KIAA0825: variants seen among roughly 807,000 people sequenced by gnomAD.
The protein encoded by KIAA0825 is KIAA0825.
Under a neutral mutation model 147.6 loss-of-function variants are expected in KIAA0825, and 119 were observed. The ratio of observed to expected loss-of-function variants is 0.81; its 90% CI spans 0.69 to 0.94. The LOEUF (loss-of-function observed/expected upper bound fraction) is 0.94. KIAA0825 is among the 40% of genes least tolerant of loss of function. The pLI is 0.00. For missense variants in KIAA0825, 1,381 were observed against 1,472.7 expected (o/e 0.94, Z 1.02); for synonymous variants, 470 against 518.1 (o/e 0.91, Z 1.26).
chr5:94,182,552 G>A (rs1769757805), intron 20 of KIAA0825, among the ~76,000 whole-genome samples: 1 of 151,656 alleles, frequency 6.6e-6, no homozygotes, highest in Non-Finnish European at 1.5e-5. Context: ...AAGCCACCAT[G>A]CCCAGCCGTA....
At chr5:94,511,110 A>G (rs1766415004) in intron 5 of KIAA0825, among the ~76,000 whole-genome samples, 1 of 152,106 alleles carries the variant, frequency 6.6e-6, no homozygotes, top group African/African-American at 2.4e-5. Context: ...CTTCTACCAC[A>G]TGAGGACACA....
intron 20 of KIAA0825, among the ~76,000 whole-genome samples, chr5:94,267,098 TAC>T (rs1484351452): frequency 6.6e-6 from 1 of 152,222 alleles, no homozygotes; most frequent in Non-Finnish European, 1.5e-5. Flanking sequence ...GCTTGACTAT[TAC>T]CATACTTGTC....
intron 1 of KIAA0825, chr5:94,594,785 A>G (rs930418287): frequency 3.6e-6 from 2 of 548,478 alleles, no homozygotes; most frequent in Non-Finnish European, 7.0e-6. Context: ...GAGAAGTCGA[A>G]TCATGATTGT....
intron 20 of KIAA0825, among the ~76,000 whole-genome samples, chr5:94,203,812 T>A (rs1346875039): frequency 6.6e-6 from 1 of 152,120 alleles, no homozygotes; most frequent in African/African-American, 2.4e-5. Flanking sequence ...CCTTCCATCA[T>A]CCTCTCTTTT....
intron 20 of KIAA0825, among the ~76,000 whole-genome samples, chr5:94,352,682 A>G (rs1783812246): frequency 6.6e-6 from 1 of 152,220 alleles, no homozygotes; most frequent in Admixed American, 6.5e-5. Flanking sequence ...ATGCCCATCA[A>G]TCAATGAGTG....
intron 16 of KIAA0825, among the ~76,000 whole-genome samples, chr5:94,402,054 T>C (rs1166780270): frequency 1.3e-5 from 2 of 152,208 alleles, no homozygotes; most frequent in African/African-American, 2.4e-5. Context: ...AAAGTCACTT[T>C]CTTCCATCAC....
intron 14 of KIAA0825, among the ~76,000 whole-genome samples, chr5:94,419,993 A>T (rs1187028258): frequency 5.9e-5 from 9 of 152,164 alleles, no homozygotes; most frequent in Admixed American, 5.9e-4. Context: ...CAGGGAACAC[A>T]GACAAGTTAC....
At chr5:94,411,143 T>G (rs1249614471) in intron 15 of KIAA0825, among the ~76,000 whole-genome samples, 2 of 152,114 alleles carry the variant, frequency 1.3e-5, no homozygotes, top group African/African-American at 4.8e-5. Context: ...TATAATGTTA[T>G]TAAAAAGTAA....
At chr5:94,616,786 T>C (rs1410478289) in intron 1 of KIAA0825, among the ~76,000 whole-genome samples, 1 of 152,256 alleles carries the variant, frequency 6.6e-6, no homozygotes. Context: ...AATTACCTTA[T>C]GGTGATGAAC....
rs550888208 is a variant in KIAA0825 at position 94,249,834 on chromosome 5, AT to A, written c.3711-95711del. ...TTTTTGCTAATTTATTTATAGACTT[AT>A]ATAAGTTATCTATTTCCCCTCCATT... On this transcript the variant is annotated intron_variant, in intron 20 of 20. Coordinates refer to ENST00000682413, the MANE Select transcript of KIAA0825 (RefSeq NM_001145678.3). 3.3e-3 allele frequency among the ~76,000 whole-genome samples: 440 copies of A among 131,446 alleles called. 1 individual carries two copies. The highest frequency in any genetic ancestry group is 0.012 in the African/African-American group (411 of 35,512). 86.2% of individuals were successfully genotyped at this position (131,446 alleles called of 152,430 possible).
intron 20 of KIAA0825, among the ~76,000 whole-genome samples, chr5:94,197,090 G>C (rs1257752930): frequency 6.6e-6 from 1 of 152,198 alleles, no homozygotes; most frequent in Non-Finnish European, 1.5e-5. Context: ...CACCAGCAGT[G>C]TATGAGCATT....
intron 6 of KIAA0825, among the ~76,000 whole-genome samples, chr5:94,477,611 T>C (rs1160310200): frequency 6.6e-6 from 1 of 152,130 alleles, no homozygotes; most frequent in African/African-American, 2.4e-5. Flanking sequence ...AAGTACTATA[T>C]TTTAAAAATG....
Position 94,224,082 on chromosome 5 carries a change from C to CTTTTTTTTTTTTTTTTTTTTTTTTTT in KIAA0825, c.3711-69984_3711-69959dup, listed in dbSNP as rs869059424. 7.3e-4 allele frequency among the ~76,000 whole-genome samples: 41 copies of CTTTTTTTTTTTTTTTTTTTTTTTTTT among 56,482 alleles called. 1 individual carries two copies. The highest frequency in any genetic ancestry group is 9.2e-4 in the Non-Finnish European group (29 of 31,618). The allele number at this position is 56,482 out of a possible 152,430, so 37.1% of individuals were successfully genotyped here. A position where few individuals can be genotyped will look rare whatever the true frequency, so the allele number is the denominator to read the frequency against. ...TTTCTTTTCTCTTTCTTTTTCTTTT[C>CTTTTTTTTTTTTTTTTTTTTTTTTTT]TTTTTTTTTTTTTTTTTTTTTTTTT... is the stretch of plus-strand genomic sequence containing the variant. On this transcript the variant is annotated intron_variant, in intron 20 of 20. Transcript: ENST00000682413.
chr5:94,322,161 A>C (rs1780252294), intron 20 of KIAA0825, among the ~76,000 whole-genome samples: 1 of 151,966 alleles, frequency 6.6e-6, no homozygotes, highest in South Asian at 2.1e-4. Context: ...AACCAAAGAA[A>C]TTAAAAAATT....
intron 20 of KIAA0825, among the ~76,000 whole-genome samples, chr5:94,264,264 A>C (rs1224231730): frequency 6.6e-6 from 1 of 152,214 alleles, no homozygotes; most frequent in Non-Finnish European, 1.5e-5. Flanking sequence ...TAGGATCTTT[A>C]CTACTATGTG....
intron 3 of KIAA0825, among the ~76,000 whole-genome samples, chr5:94,525,114 CT>C (rs1769021088): frequency 6.6e-6 from 1 of 151,708 alleles, no homozygotes; most frequent in Non-Finnish European, 1.5e-5. Flanking sequence ...GCTGAAACAC[CT>C]CACCAAAAAT....
At chr5:94,169,378 T>G (rs1768372726) in intron 20 of KIAA0825, among the ~76,000 whole-genome samples, 1 of 151,944 alleles carries the variant, frequency 6.6e-6, no homozygotes, top group Non-Finnish European at 1.5e-5. Flanking sequence ...GGTCAGGAGT[T>G]CAAGACCAGT....
chr5:94,574,195 C>A (rs1780518641), intron 2 of KIAA0825, among the ~76,000 whole-genome samples: 2 of 152,110 alleles, frequency 1.3e-5, no homozygotes, highest in Admixed American at 1.3e-4. Context: ...ACATTTTAAT[C>A]TCTCACTATA....
chr5:94,594,466 G>T (rs1784904939), intron 1 of KIAA0825: 1 of 738,980 alleles, frequency 1.4e-6, no homozygotes, highest in African/African-American at 1.7e-5. Flanking sequence ...TTGGAAGAAA[G>T]AAAAAAATCT....
Sources: gnomAD v4.1 joint callset for allele counts (sites outside exome capture counted in the v4.1 genomes callset) on GRCh38, gnomAD v4.1.1 for gene constraint, MANE v1.5 for transcripts, NCBI Gene and HGNC (gene_info 2026-07-23, HGNC 2026-07-21) for gene names.